PDE1A: variants seen among roughly 807,000 people sequenced by gnomAD.
PDE1A encodes the protein dual specificity calcium/calmodulin-dependent 3',5'-cyclic nucleotide phosphodiesterase 1A.
A neutral mutation model predicts 61.7 loss-of-function variants in PDE1A; 35 were observed. That is an observed-to-expected ratio of 0.57 (90% confidence interval 0.43 to 0.75). PDE1A has a LOEUF of 0.75. Among genes scored for constraint, PDE1A ranks in the 30% least tolerant of loss-of-function variants. The pLI, the probability that PDE1A is intolerant of heterozygous loss-of-function variation, is 0.00. For missense variants in PDE1A, 597 were observed against 630.6 expected (o/e 0.95, Z 0.57); for synonymous variants, 232 against 213.2 (o/e 1.09, Z -0.77).
At chr2:182,164,927 G>T (rs979119435), downstream of PDE1A, among the ~76,000 whole-genome samples, 7 of 151,864 alleles carry the variant, frequency 4.6e-5, no homozygotes. Flanking sequence ...ATTCCACACA[G>T]CATTGTTTCT....
the PDE1A span, among the ~76,000 whole-genome samples, chr2:182,623,323 A>G: frequency 6.6e-6 from 1 of 152,338 alleles, no homozygotes; most frequent in Admixed American, 6.5e-5. Context: ...AAGACATAGT[A>G]CACTTCTCTA....
chr2:182,552,208 A>G, the PDE1A span, among the ~76,000 whole-genome samples: 1 of 152,202 alleles, frequency 6.6e-6, no homozygotes, highest in Non-Finnish European at 1.5e-5. Flanking sequence ...TTTTTCACAT[A>G]TAATGCCTTT....
chr2:182,495,963 G>A (rs1370839618), intron 2 of PDE1A, among the ~76,000 whole-genome samples: 1 of 152,198 alleles, frequency 6.6e-6, no homozygotes, highest in Non-Finnish European at 1.5e-5. Flanking sequence ...GGCTTGTATG[G>A]AGATTTAGTG....
chr2:182,197,030 C>T (rs545599008), intron 10 of PDE1A, among the ~76,000 whole-genome samples: 1 of 151,762 alleles, frequency 6.6e-6, no homozygotes, highest in East Asian at 1.9e-4. Flanking sequence ...ATAATTTATC[C>T]TCCCACCTGT....
the PDE1A span, among the ~76,000 whole-genome samples, chr2:182,622,549 C>A: frequency 4.6e-5 from 7 of 152,096 alleles, no homozygotes; most frequent in African/African-American, 1.7e-4. Context: ...AATTTTTTTG[C>A]CATAAAGAAA....
chr2:182,713,213 C>T, the PDE1A span, among the ~76,000 whole-genome samples: 6 of 152,142 alleles, frequency 3.9e-5, no homozygotes, highest in Non-Finnish European at 7.4e-5. Flanking sequence ...TAGCTCACAA[C>T]ATCACAACAC....
the PDE1A span, among the ~76,000 whole-genome samples, chr2:182,545,290 A>G: frequency 1.3e-5 from 2 of 152,078 alleles, no homozygotes; most frequent in African/African-American, 4.8e-5. Context: ...AGCTTCTCCC[A>G]AAGCAGCCCC....
At chr2:182,712,832 A>C in the PDE1A span, among the ~76,000 whole-genome samples, 145 of 152,296 alleles carry the variant, frequency 9.5e-4, 1 homozygote, top group African/African-American at 3.3e-3. Flanking sequence ...CTGGGATTAC[A>C]GGTATGAGCC....
At chr2:182,634,320 T>C in the PDE1A span, among the ~76,000 whole-genome samples, 1 of 152,218 alleles carries the variant, frequency 6.6e-6, no homozygotes, top group East Asian at 1.9e-4. Flanking sequence ...TTTTGAACTA[T>C]GTCTAGTGTG....
At chr2:182,223,544 A>T (rs1040098114) in intron 7 of PDE1A, among the ~76,000 whole-genome samples, 5 of 152,052 alleles carry the variant, frequency 3.3e-5, no homozygotes, top group Admixed American at 3.3e-4. Context: ...CTTAAGCATT[A>T]TGTTGCAAGA....
chr2:182,488,915 T>C (rs1211195881), intron 2 of PDE1A, among the ~76,000 whole-genome samples: 5 of 152,210 alleles, frequency 3.3e-5, no homozygotes, highest in East Asian at 3.8e-4. Context: ...AGAGAGCATG[T>C]TCAAAAGCAA....
chr2:182,594,543 C>G, the PDE1A span, among the ~76,000 whole-genome samples: 1 of 152,158 alleles, frequency 6.6e-6, no homozygotes, highest in Non-Finnish European at 1.5e-5. Context: ...TTCTTTTTGA[C>G]TAATCTAAGA....
intron 1 of PDE1A, among the ~76,000 whole-genome samples, chr2:182,377,913 T>A (rs1452706437): frequency 6.6e-6 from 1 of 152,072 alleles, no homozygotes; most frequent in East Asian, 1.9e-4. Flanking sequence ...TGGTGCGATC[T>A]TGGCTCACTG....
chr2:182,578,085 T>C, the PDE1A span, among the ~76,000 whole-genome samples: 1 of 152,180 alleles, frequency 6.6e-6, no homozygotes, highest in Non-Finnish European at 1.5e-5. Context: ...AAGAAGGCTT[T>C]TCTTTTTCCA....
intron 10 of PDE1A, among the ~76,000 whole-genome samples, chr2:182,198,050 A>G (rs1343993490): frequency 6.6e-6 from 1 of 151,866 alleles, no homozygotes. Context: ...CTCTCCATTT[A>G]TATAGGTCTT....
the PDE1A span, among the ~76,000 whole-genome samples, chr2:182,572,828 C>T: frequency 1.4e-5 from 2 of 141,648 alleles, no homozygotes; most frequent in Admixed American, 1.4e-4. Context: ...AAGATTGCGC[C>T]ACTGCACTCC....
At chr2:182,169,226 A>G (rs1691896944) in intron 13 of PDE1A, among the ~76,000 whole-genome samples, 1 of 152,046 alleles carries the variant, frequency 6.6e-6, no homozygotes, top group South Asian at 2.1e-4. Flanking sequence ...CAGACTTTAC[A>G]TTGATTCCAT....
the PDE1A span, among the ~76,000 whole-genome samples, chr2:182,693,548 A>G: frequency 2.2e-4 from 34 of 151,316 alleles, no homozygotes; most frequent in Non-Finnish European, 4.1e-4. Context: ...TTTTAAATAT[A>G]TTCTGGACAC....
At chr2:182,140,906 G>A (rs1574479942) in exon 15 of PDE1A, 1 of 150,140 alleles carries the variant, frequency 6.7e-6, no homozygotes, top group Middle Eastern at 3.5e-3. Flanking sequence ...AGGAAAATAA[G>A]TACAGCAGTA....
Sources: allele counts gnomAD v4.1 joint callset (sites outside exome capture counted in the v4.1 genomes callset), GRCh38; gene constraint gnomAD v4.1.1; transcripts MANE v1.5; gene names NCBI Gene and HGNC (gene_info 2026-07-23, HGNC 2026-07-21).